The following NAV1 variants were observed in gnomAD, a reference collection of about 807,000 sequenced individuals.
NAV1 encodes the protein pore membrane and/or filament interacting like protein 3.
In NAV1, 18 loss-of-function variants were observed where a neutral mutation model predicts 175.2. That is an observed-to-expected ratio of 0.10 (90% CI 0.07 to 0.15). The LOEUF is 0.15. Ranked by LOEUF, NAV1 falls within the 10% of genes least tolerant of loss-of-function variation. NAV1 has a pLI of 1.00. For missense variants in NAV1, 1,731 were observed against 2,436.6 expected, an observed-to-expected ratio of 0.71 and a Z score of 6.10; for synonymous variants, 897 against 978.7, an observed-to-expected ratio of 0.92 and a Z score of 1.56.
At chr1:201,704,875 C>T (rs530918553) in intron 1 of NAV1, among the ~76,000 whole-genome samples, 1 of 152,330 alleles carries the variant, frequency 6.6e-6, no homozygotes, top group South Asian at 2.1e-4. Context: ...TGGGTATCCT[C>T]TACTCCCACT....
chr1:201,610,238 C>G (rs1056311184), intron 2 of NAV1, among the ~76,000 whole-genome samples: 1 of 152,238 alleles, frequency 6.6e-6, no homozygotes, highest in East Asian at 1.9e-4. Context: ...AATCATTTCT[C>G]TTGGCTAATT....
intron 1 of NAV1, among the ~76,000 whole-genome samples, chr1:201,682,338 G>T (rs537359160): frequency 1.3e-5 from 2 of 151,796 alleles, no homozygotes; most frequent in African/African-American, 2.4e-5. Context: ...CACCCCTACC[G>T]CAGCCACCAA....
intron 1 of NAV1, among the ~76,000 whole-genome samples, chr1:201,692,325 A>G (rs1670984311): frequency 6.6e-6 from 1 of 152,210 alleles, no homozygotes; most frequent in Non-Finnish European, 1.5e-5. Flanking sequence ...CTTTTTAGGA[A>G]AAGACCCACT....
chr1:201,734,477 GAGGAGGAGGA>G lies in NAV1; in HGVS notation c.1226+15725_1226+15734del, dbSNP rs1673009033. ...GGAGGAGGAGGAGGAGGAAGAGGAG[GAGGAGGAGGA>G]AGAAGGAGAAGGAGAAGAAGAAGAA... On this transcript the variant is annotated intron_variant, in intron 3 of 29. Coordinates refer to ENST00000367296, the Ensembl canonical transcript of NAV1. Among the ~76,000 whole-genome samples the G allele has an allele frequency of 4.3e-5, 6 of 139,272 alleles. No homozygotes were observed. In the Admixed American group the frequency reaches 4.5e-4, roughly 10 times the overall value. The allele number at this position is 139,272 out of a possible 152,430, so 91.4% of individuals were successfully genotyped here.
intron 1 of NAV1, among the ~76,000 whole-genome samples, chr1:201,551,145 A>G (rs1007889061): frequency 2.0e-5 from 3 of 152,138 alleles, no homozygotes; most frequent in Non-Finnish European, 2.9e-5. Context: ...GAGTTGGGGA[A>G]CCCAAGTCTT....
rs1678600268 is a variant in NAV1, at chr1:201,810,164, A to C, written c.4561+59A>C. 1 of 1,586,544 alleles carries C rather than the reference A, an allele frequency of 6.3e-7. No individual in the cohort carries two copies. Among genetic ancestry groups the C allele is most frequent in the East Asian group, 2.2e-5 (1 of 44,472 alleles). Reference sequence around the variant, plus strand: ...GCATGAAGGCAGGGACAGGATCATCAAATAATCCATCATGCATTCATTCAC... The same window carrying C: ...GCATGAAGGCAGGGACAGGATCATCCAATAATCCATCATGCATTCATTCAC... On this transcript the variant is annotated intron_variant, in intron 23 of 29. Transcript: ENST00000367296. This position sits in a 1 kb window ranked among gnomAD's most constrained non-coding sequence, Gnocchi z 6.0.
At chr1:201,742,738 C>T (rs1429551607) in intron 3 of NAV1, among the ~76,000 whole-genome samples, 1 of 152,154 alleles carries the variant, frequency 6.6e-6, no homozygotes, top group East Asian at 1.9e-4. Flanking sequence ...TTGGCACAAA[C>T]TCAGCCTCTG....
chr1:201,577,462 T>C (rs1361948255), intron 1 of NAV1, among the ~76,000 whole-genome samples: 1 of 150,742 alleles, frequency 6.6e-6, no homozygotes, highest in Non-Finnish European at 1.5e-5. Flanking sequence ...GCATAAGGCC[T>C]GAGACTTAGA....
chr1:201,820,050 G>A (rs1436413844), exon 30 of NAV1: 1 of 925,158 alleles, frequency 1.1e-6, no homozygotes, highest in Non-Finnish European at 1.7e-6. Flanking sequence ...AGGAGAACAG[G>A]AGGGAGGAGG....
chr1:201,796,906 A>G (rs542309816), intron 15 of NAV1: 8 of 152,340 alleles, frequency 5.3e-5, no homozygotes, highest in African/African-American at 1.7e-4. Flanking sequence ...CAGACACATG[A>G]TTTGAAAAAT....
At chr1:201,655,475 C>G (rs1404368736) in intron 1 of NAV1, among the ~76,000 whole-genome samples, 1 of 152,192 alleles carries the variant, frequency 6.6e-6, no homozygotes, top group Non-Finnish European at 1.5e-5. Context: ...GGGGCCAGGC[C>G]CAGCTCACTG....
At chr1:201,816,812 C>T (rs900170379) in intron 28 of NAV1, 1 of 375,322 alleles carries the variant, frequency 2.7e-6, no homozygotes, top group African/African-American at 2.1e-5. Context: ...TATAGGCACG[C>T]ACCGCCATGC....
intron 2 of NAV1, among the ~76,000 whole-genome samples, chr1:201,642,252 G>A (rs546016846): frequency 1.4e-5 from 2 of 138,058 alleles, no homozygotes; most frequent in Non-Finnish European, 3.1e-5. Context: ...TTGGTCTGTC[G>A]CCCAGGCTGG....
At chr1:201,683,391 G>A (rs887415132) in intron 1 of NAV1, among the ~76,000 whole-genome samples, 8 of 152,102 alleles carry the variant, frequency 5.3e-5, no homozygotes, top group South Asian at 4.1e-4. Flanking sequence ...ACAGGGGTTG[G>A]GGGATGGGGT....
rs115416528 is a variant in NAV1, at chr1:201,625,770, G to A, written c.-101+2164G>A. On this transcript the variant is annotated intron_variant, in intron 1 of 29. Transcript: ENST00000367302. The stretch of plus-strand genomic sequence containing the variant: ...GGGAAAAGTGTCTAGGCATTAAATT[G>A]TTTAAGATTTTACATTATCTACCTT... Among the ~76,000 whole-genome samples, 57 of 152,252 alleles carry A rather than the reference G, an allele frequency of 3.7e-4. No homozygotes were observed. In the East Asian group the frequency reaches 0.011, roughly 29 times the overall value.
chr1:201,596,732 G>T (rs1027340461), intron 2 of NAV1, among the ~76,000 whole-genome samples: 1 of 152,176 alleles, frequency 6.6e-6, no homozygotes, highest in Non-Finnish European at 1.5e-5. Context: ...AACGAAATAT[G>T]GTCCCTGCCC....
rs372015233 is a variant in NAV1, at chr1:201,546,820, C to T, written c.-144+7478C>T. 1.7e-4 allele frequency among the ~76,000 whole-genome samples: 26 copies of T among 150,282 alleles called. No individual in the cohort carries two copies. The South Asian group carries it at 5.1e-3, about 29-fold the overall frequency. On this transcript the variant is annotated intron_variant, in intron 1 of 33. Coordinates refer to the NAV1 transcript ENST00000685211. The stretch of plus-strand genomic sequence containing the variant: ...TCAGGGGGCTGAGGCAGGAGAATCA[C>T]TTGAACCCGGGAAGCAGAAGTTGCA...
intron 2 of NAV1, among the ~76,000 whole-genome samples, chr1:201,589,760 G>T (rs1254369696): frequency 1.3e-5 from 2 of 152,192 alleles, no homozygotes; most frequent in Admixed American, 1.3e-4. Context: ...CCGAAGAGCT[G>T]GGATTACAGG....
intron 2 of NAV1, among the ~76,000 whole-genome samples, chr1:201,606,038 A>G (rs1236958983): frequency 6.6e-6 from 1 of 152,204 alleles, no homozygotes; most frequent in Non-Finnish European, 1.5e-5. Context: ...TGTGTTCACA[A>G]TGGGGACCCT....
Sources: gnomAD v4.1 joint callset for allele counts (sites outside exome capture counted in the v4.1 genomes callset) on GRCh38, gnomAD v4.1.1 for gene constraint, Gnocchi (gnomAD v3.1) non-coding constraint, MANE v1.5 for transcripts, NCBI Gene and HGNC (gene_info 2026-07-23, HGNC 2026-07-21) for gene names.